POM121: variants seen among roughly 807,000 people sequenced by gnomAD.
POM121 encodes the protein nuclear envelope pore membrane protein POM 121.
A neutral mutation model predicts 81.3 loss-of-function variants in POM121; 32 were observed. The ratio of observed to expected loss-of-function variants is 0.39; its 90% CI spans 0.30 to 0.53. The LOEUF (loss-of-function observed/expected upper bound fraction) is 0.53. Ranked by LOEUF, POM121 falls within the 20% of genes least tolerant of loss-of-function variation. The pLI is 0.66. For synonymous variants in POM121, 514 were observed against 694.2 expected (o/e 0.74, Z 4.08); for missense variants, 1,138 against 1,614.6 (o/e 0.70, Z 5.06).
chr7:72,911,517 A>G (rs1586115970), intron 3 of POM121, among the ~76,000 whole-genome samples: 1 of 152,350 alleles, frequency 6.6e-6, no homozygotes, highest in African/African-American at 2.4e-5. Context: ...CGCAACAGGC[A>G]GTAAAACCCC....
intron 5 of POM121, among the ~76,000 whole-genome samples, chr7:72,932,641 A>G (rs1796129504): frequency 6.6e-6 from 1 of 152,226 alleles, no homozygotes; most frequent in South Asian, 2.1e-4. Context: ...ATCCCCCTAC[A>G]GAGCATGCAC....
chr7:72,895,121 C>A (rs1451160816), intron 3 of POM121, among the ~76,000 whole-genome samples: 1 of 152,218 alleles, frequency 6.6e-6, no homozygotes, highest in Non-Finnish European at 1.5e-5. Flanking sequence ...AGCCACAGCA[C>A]CCGGCCTGTC....
upstream of POM121, among the ~76,000 whole-genome samples, chr7:72,922,681 G>T (rs571669789): frequency 5.4e-3 from 823 of 152,042 alleles, 9 homozygotes; most frequent in African/African-American, 0.019. Context: ...AAGCCACCAT[G>T]CCCGGCCCAG....
Position 72,888,626 on chromosome 7 carries a change from CCT to C in POM121, c.-520-2000_-520-1999del, listed in dbSNP as rs1790972132. Among the ~76,000 whole-genome samples, 4 of 151,246 alleles carry C rather than the reference CCT, an allele frequency of 2.6e-5. No homozygotes were observed. In the South Asian group the frequency reaches 8.4e-4, roughly 32 times the overall value. On this transcript the variant is annotated intron_variant, in intron 1 of 15. Transcript: ENST00000395270. ...TTAGTGGGAAGATATGTAGTTTTTCCCTGTTAAGTAAAATCCTGACTTTCGGA... is the reference window on the plus strand; with the variant it reads ...TTAGTGGGAAGATATGTAGTTTTTCCGTTAAGTAAAATCCTGACTTTCGGA...
chr7:72,928,532 C>T, intron 4 of POM121, 67 bp downstream of exon 4: 1 of 1,546,734 alleles, frequency 6.5e-7, no homozygotes, highest in Non-Finnish European at 8.9e-7. Flanking sequence ...AGCTGTTGCC[C>T]TATAGATTTT....
At chr7:72,941,635 C>A (rs534349702) in intron 10 of POM121, among the ~76,000 whole-genome samples, 1 of 151,856 alleles carries the variant, frequency 6.6e-6, no homozygotes, top group South Asian at 2.1e-4. Flanking sequence ...CCCATTTTAT[C>A]CCCTTCTGTC....
chr7:72,900,320 G>C (rs1487821689), intron 3 of POM121, among the ~76,000 whole-genome samples: 1 of 150,920 alleles, frequency 6.6e-6, no homozygotes, highest in Non-Finnish European at 1.5e-5. Flanking sequence ...TGTGCTAATA[G>C]CCTCCCTTTT....
Position 72,943,261 on chromosome 7 carries a change from G to A in POM121, c.3268G>A (p.Gly1090Ser), listed in dbSNP as rs1554502299. 6.2e-7 allele frequency: 1 copy of A among 1,610,864 alleles called. No individual in the cohort carries two copies. Among genetic ancestry groups the A allele is most frequent in the Non-Finnish European group, 8.5e-7 (1 of 1,179,242 alleles). Residue 1090 changes from glycine (G) to serine (S), a missense_variant, in exon 11 of 13, where the codon GGC (glycine) becomes AGC (serine). This residue lies in a region of POM121 where 336 missense variants were observed against 344.3 expected (regional missense o/e 0.98). Coordinates refer to ENST00000434423, the MANE Select transcript of POM121 (RefSeq NM_001387691.1). ...ASSGSSSSVF[G>S]STTPSPFTFG... ...CAGCGGGAGCAGCAGCTCGGTGTTT[G>A]GCAGCACAACACCATCACCCTTCAC... is the stretch of plus-strand genomic sequence containing the variant.
intron 7 of POM121, among the ~76,000 whole-genome samples, chr7:72,939,643 G>A (rs1357939037): frequency 2.6e-5 from 4 of 152,196 alleles, no homozygotes; most frequent in African/African-American, 9.6e-5. Context: ...TCACCTGTGG[G>A]TGATCCCAGT....
intron 3 of POM121, among the ~76,000 whole-genome samples, chr7:72,898,570 G>A (rs1792204017): frequency 6.6e-6 from 1 of 152,198 alleles, no homozygotes; most frequent in South Asian, 2.1e-4. Context: ...GCCAAGGTGG[G>A]TGGATCACCT....
intron 3 of POM121, among the ~76,000 whole-genome samples, chr7:72,905,736 A>G (rs1401391217): frequency 6.6e-6 from 1 of 152,284 alleles, no homozygotes; most frequent in Non-Finnish European, 1.5e-5. Flanking sequence ...GGTTCTGGTA[A>G]ATCTTGCTGA....
At chr7:72,948,390 C>A, downstream of POM121, 1 of 1,613,304 alleles carries the variant, frequency 6.2e-7, no homozygotes, top group Middle Eastern at 1.7e-4. Context: ...CCTTTCAAAA[C>A]GCAAACTGCT....
chr7:72,913,612 C>T (rs1199182999), intron 3 of POM121, among the ~76,000 whole-genome samples: 2 of 152,154 alleles, frequency 1.3e-5, no homozygotes, highest in African/African-American at 4.8e-5. Context: ...AAGACACGAC[C>T]CAGAGCACAT....
chr7:72,949,916 T>C (rs782392141), downstream of POM121: 14 of 1,612,194 alleles, frequency 8.7e-6, no homozygotes, highest in East Asian at 2.7e-4. Flanking sequence ...ATCCATGACA[T>C]GGGAGCCTGG....
intron 1 of POM121, among the ~76,000 whole-genome samples, chr7:72,887,178 C>T (rs1315004426): frequency 6.6e-6 from 1 of 152,124 alleles, no homozygotes; most frequent in Non-Finnish European, 1.5e-5. Flanking sequence ...TAATTTTCAT[C>T]TCAGATATTG....
chr7:72,908,111 A>G (rs534644462), intron 3 of POM121, among the ~76,000 whole-genome samples: 3 of 152,292 alleles, frequency 2.0e-5, no homozygotes, highest in South Asian at 2.1e-4. Context: ...TGTAATTTCT[A>G]GTTCTGAAAT....
At chr7:72,926,611 A>C in intron 2 of POM121, 134 bp downstream of exon 2, 1 of 1,497,886 alleles carries the variant, frequency 6.7e-7, no homozygotes, top group Non-Finnish European at 9.0e-7. Flanking sequence ...ACCAAATTCT[A>C]GTAAACCCTT....
At chr7:72,925,924 C>A (rs1247457062) in intron 1 of POM121, among the ~76,000 whole-genome samples, 159 bp downstream of exon 1, 2 of 152,122 alleles carry the variant, frequency 1.3e-5, no homozygotes, top group Non-Finnish European at 2.9e-5. Context: ...TGTCTCCTGG[C>A]CTCTGACTCT....
At position 72,946,474 on chromosome 7, in the gene POM121, C is replaced by T. The variant is rs1797701388; in HGVS notation, c.*240C>T. ...GCCCGGGACCTCTACTTGAACAGTTCTACTGGGGAGGCTGGAGAACTAAGG... is the reference window on the plus strand; with the variant it reads ...GCCCGGGACCTCTACTTGAACAGTTTTACTGGGGAGGCTGGAGAACTAAGG... On this transcript the variant is annotated 3_prime_UTR_variant, in exon 13 of 13. Coordinates refer to ENST00000434423, the MANE Select transcript of POM121 (RefSeq NM_001387691.1). The T allele has an allele frequency of 1.5e-6, 2 of 1,351,454 alleles. No homozygotes were observed. The highest frequency in any genetic ancestry group is 1.8e-5 in the South Asian group (1 of 56,654). The allele number at this position is 1,351,454 out of a possible 1,614,324, so 83.7% of individuals were successfully genotyped here.
Sources: allele counts gnomAD v4.1 joint callset (sites outside exome capture counted in the v4.1 genomes callset), GRCh38; gene constraint gnomAD v4.1.1; regional missense constraint gnomAD v4.1.1; transcripts MANE v1.5; gene names NCBI Gene and HGNC (gene_info 2026-07-23, HGNC 2026-07-21).